Variants in PISD observed in about 807,000 individuals in gnomAD.
PISD encodes phosphatidylserine decarboxylase proenzyme, mitochondrial.
A neutral mutation model predicts 43.5 loss-of-function variants in PISD; 31 were observed. That is an observed-to-expected ratio of 0.71 (90% CI 0.54 to 0.96). PISD has a LOEUF of 0.96. Among genes scored for constraint, PISD ranks in the 40% least tolerant of loss-of-function variants. The pLI is 0.00. For missense variants in PISD, 523 were observed against 548.4 expected, an observed-to-expected ratio of 0.95 and a Z score of 0.46; for synonymous variants, 259 against 228.7, an observed-to-expected ratio of 1.13 and a Z score of -1.20.
chr22:31,627,125 G>A (rs1205674733), intron 3 of PISD, among the ~76,000 whole-genome samples: 4 of 152,264 alleles, frequency 2.6e-5, no homozygotes, highest in Non-Finnish European at 4.4e-5. Context: ...ATGAGATTCA[G>A]TGGCCTCTTG....
chr22:31,638,432 A>T (rs2073581280), intron 3 of PISD: 1 of 981,402 alleles, frequency 1.0e-6, no homozygotes. Context: ...GGGGCGAGGA[A>T]GGGGGGATGA....
chr22:31,619,517 G>C lies in PISD; in HGVS notation c.*95C>G, dbSNP rs1242433638. The C allele has an allele frequency of 1.1e-6, 1 of 941,114 alleles. No homozygotes were observed. Among genetic ancestry groups the C allele is most frequent in the African/African-American group, 1.6e-5 (1 of 61,858 alleles). 58.3% of individuals were successfully genotyped at this position (941,114 alleles called of 1,614,324 possible). The stretch of plus-strand genomic sequence containing the variant: ...CAGACTCCCAACCACGCTGAGGCAG[G>C]CCCTTACCTGGATGGCCTCATGGGC... On this transcript the variant is annotated 3_prime_UTR_variant, in exon 8 of 8. Coordinates refer to ENST00000439502, the MANE Select transcript of PISD (RefSeq NM_001326411.2).
rs2072589610 is a variant in PISD at position 31,621,696 on chromosome 22, G to A, written c.511C>T (p.Arg171Cys). ...HYRNLSEFFR[R>C]KLKPQARPVC... ...GGCCGGGCCTGCGGCTTCAGCTTGC[G>A]CCGGAAGAACTCGCTGAGGTTGCGG... Residue 171 changes from arginine to cysteine, a missense_variant, in exon 4 of 8, where the codon CGC becomes TGC. Transcript: ENST00000439502. 4 of 1,613,902 alleles carry A rather than the reference G, an allele frequency of 2.5e-6. No homozygotes were observed. The highest frequency in any genetic ancestry group is 2.5e-6 in the Non-Finnish European group (3 of 1,179,970).
At chr22:31,627,368 AAGGCCG>A (rs2072964927) in intron 3 of PISD, among the ~76,000 whole-genome samples, 1 of 152,228 alleles carries the variant, frequency 6.6e-6, no homozygotes, top group South Asian at 2.1e-4. Flanking sequence ...ATTGCATCTC[AAGGCCG>A]AGGCCCAGGC....
At chr22:31,644,908 A>G (rs2061176942) in intron 3 of PISD, among the ~76,000 whole-genome samples, 1 of 151,996 alleles carries the variant, frequency 6.6e-6, no homozygotes, top group South Asian at 2.1e-4. Context: ...GTGGATCATG[A>G]GGTCACAAGT....
chr22:31,621,501 G>C, intron 4 of PISD, 29 bp from the exon 5 acceptor site: 1 of 1,613,328 alleles, frequency 6.2e-7, no homozygotes, highest in Non-Finnish European at 8.5e-7. Context: ...CTTGCTGCCA[G>C]GGAGAGCAGG....
Position 31,621,631 on chromosome 22 carries a change from G to GA in PISD, c.558+17dup. On this transcript the variant is annotated intron_variant, in intron 4 of 7. Coordinates refer to ENST00000439502, the MANE Select transcript of PISD (RefSeq NM_001326411.2). ...GAAAAAGTCCTGTTTCCTGCAGGAGGAAAGGGTCAGGCCTCACCACGCTGT... is the reference window on the plus strand; with the variant it reads ...GAAAAAGTCCTGTTTCCTGCAGGAGGAAAAGGGTCAGGCCTCACCACGCTGT... 1 of 1,608,726 alleles carries GA rather than the reference G, an allele frequency of 6.2e-7. No homozygotes were observed.
intron 3 of PISD, chr22:31,623,751 A>T (rs1408254472): frequency 6.2e-7 from 1 of 1,614,094 alleles, no homozygotes; most frequent in Non-Finnish European, 8.5e-7. Flanking sequence ...GAGGTAGTAG[A>T]GGACGGTCAA....
intron 3 of PISD, chr22:31,629,884 C>T (rs2073115231): frequency 6.6e-6 from 1 of 152,094 alleles, no homozygotes; most frequent in Non-Finnish European, 1.5e-5. Flanking sequence ...ATGGGAAGCG[C>T]CTGGAACGCC....
chr22:31,650,526 C>CAAAA (rs200466585), intron 2 of PISD, among the ~76,000 whole-genome samples, 173 bp downstream of exon 2: 30 of 107,550 alleles, frequency 2.8e-4, no homozygotes, highest in African/African-American at 8.4e-4. Flanking sequence ...AAGACTGTCT[C>CAAAA]AAAAAAAAAA....
chr22:31,621,965 T>C, intron 3 of PISD, 80 bp from the exon 4 acceptor site: 1 of 1,087,516 alleles, frequency 9.2e-7, no homozygotes, highest in South Asian at 1.3e-5. Context: ...TTAGCCCAGC[T>C]CTCACTTCAG....
intron 3 of PISD, among the ~76,000 whole-genome samples, chr22:31,622,684 CTCTT>C (rs1373709986): frequency 6.6e-6 from 1 of 152,260 alleles, no homozygotes; most frequent in Non-Finnish European, 1.5e-5. Context: ...CCTCTGTTCT[CTCTT>C]CCTTCAGGGA....
At chr22:31,620,181 C>G (rs2072443530) in intron 7 of PISD, among the ~76,000 whole-genome samples, 1 of 152,254 alleles carries the variant, frequency 6.6e-6, no homozygotes, top group Non-Finnish European at 1.5e-5. Context: ...GGGTGGGCAG[C>G]AGACCTGCGA....
chr22:31,620,437 C>T (rs1325835788), intron 7 of PISD, 116 bp downstream of exon 7: 1 of 1,032,238 alleles, frequency 9.7e-7, no homozygotes, highest in African/African-American at 1.6e-5. Flanking sequence ...CCAGGCCTGA[C>T]CAGAGCTGTG....
At chr22:31,652,664 G>A (rs866617712) in intron 1 of PISD, among the ~76,000 whole-genome samples, 6 of 151,106 alleles carry the variant, frequency 4.0e-5, no homozygotes, top group African/African-American at 7.3e-5. Flanking sequence ...AAAATTAGCC[G>A]GGCGCGGTGG....
intron 3 of PISD, among the ~76,000 whole-genome samples, chr22:31,628,480 A>G (rs1392443053): frequency 6.6e-6 from 1 of 152,218 alleles, no homozygotes; most frequent in Non-Finnish European, 1.5e-5. Context: ...CCTCCCTTCT[A>G]AGCCTCAAAG....
chr22:31,625,924 G>GGGCCTC (rs1400788394), intron 3 of PISD: 1 of 1,527,284 alleles, frequency 6.5e-7, no homozygotes, highest in Non-Finnish European at 8.8e-7. Flanking sequence ...CACTGCTCCA[G>GGGCCTC]GGCCTCTGCC....
intron 3 of PISD, among the ~76,000 whole-genome samples, chr22:31,638,084 GC>G (rs1230730446): frequency 2.0e-5 from 3 of 152,238 alleles, no homozygotes; most frequent in African/African-American, 7.2e-5. Context: ...GGAGAGCCTG[GC>G]CCTGCTCTGT....
intron 2 of PISD, among the ~76,000 whole-genome samples, chr22:31,649,023 C>G (rs2073962056): frequency 6.6e-6 from 1 of 152,090 alleles, no homozygotes; most frequent in Non-Finnish European, 1.5e-5. Context: ...TATTCTCTCT[C>G]AAATGCAAAA....
Sources: gnomAD v4.1 joint callset for allele counts (sites outside exome capture counted in the v4.1 genomes callset) on GRCh38, gnomAD v4.1.1 for gene constraint, MANE v1.5 for transcripts, NCBI Gene and HGNC (gene_info 2026-07-23, HGNC 2026-07-21) for gene names.